AVL9: variants seen among roughly 807,000 people sequenced by gnomAD.
The protein encoded by AVL9 is AVL9 cell migration associated.
A neutral mutation model predicts 79.2 loss-of-function variants in AVL9; 49 were observed. The observed-to-expected ratio is 0.62, with a 90% confidence interval of 0.49 to 0.79. AVL9 has a LOEUF of 0.79. Ranked by LOEUF, AVL9 falls within the 30% of genes least tolerant of loss-of-function variation. The pLI is 0.00. For missense variants in AVL9, 682 were observed against 776.8 expected, an observed-to-expected ratio of 0.88 and a Z score of 1.45; for synonymous variants, 299 against 280.6, an observed-to-expected ratio of 1.07 and a Z score of -0.65.
At chr7:32,542,417 G>A (rs902760421) in intron 1 of AVL9, among the ~76,000 whole-genome samples, 13 of 151,250 alleles carry the variant, frequency 8.6e-5, no homozygotes, top group East Asian at 5.8e-4. Flanking sequence ...TTAGCCGAGC[G>A]TGGTGGCACA....
chr7:32,511,505 T>C (rs1787672115), intron 1 of AVL9, among the ~76,000 whole-genome samples: 1 of 151,956 alleles, frequency 6.6e-6, no homozygotes, highest in Non-Finnish European at 1.5e-5. Context: ...AGGGGTGTAC[T>C]AGGTTGTGGG....
chr7:32,543,286 T>C, intron 2 of AVL9, 25 bp downstream of exon 2: 1 of 1,602,690 alleles, frequency 6.2e-7, no homozygotes, highest in Non-Finnish European at 8.5e-7. Context: ...AGTGAAGCAG[T>C]TAGGTGCCAT....
intron 1 of AVL9, among the ~76,000 whole-genome samples, chr7:32,539,672 C>G (rs1483727192): frequency 6.6e-6 from 1 of 152,160 alleles, no homozygotes; most frequent in Non-Finnish European, 1.5e-5. Flanking sequence ...AAAATTACCA[C>G]AAATGTAGTG....
At chr7:32,519,943 G>A (rs889098245) in intron 1 of AVL9, among the ~76,000 whole-genome samples, 1 of 152,100 alleles carries the variant, frequency 6.6e-6, no homozygotes, top group Non-Finnish European at 1.5e-5. Flanking sequence ...AGAGTGCAAA[G>A]GGGAAAGTGC....
At chr7:32,518,950 T>C (rs1165329777) in intron 1 of AVL9, among the ~76,000 whole-genome samples, 1 of 152,230 alleles carries the variant, frequency 6.6e-6, no homozygotes, top group Non-Finnish European at 1.5e-5. Flanking sequence ...AATCTGTTTC[T>C]TTTTGAAACT....
Position 32,576,961 on chromosome 7 carries a change from A to G in AVL9, c.1688+889A>G, listed in dbSNP as rs934960002. Among the ~76,000 whole-genome samples the G allele has an allele frequency of 4.6e-5, 7 of 152,348 alleles. No homozygotes were observed. In the East Asian group the frequency reaches 9.7e-4, roughly 21 times the overall value. ...CATTGATTACAGCCATTATGAAACA[A>G]TAACATCTGAGTGTGAATACAACAG... On this transcript the variant is annotated intron_variant, in intron 13 of 15. Coordinates refer to ENST00000318709, the MANE Select transcript of AVL9 (RefSeq NM_015060.3).
At chr7:32,542,609 A>C (rs1789266905) in intron 1 of AVL9, among the ~76,000 whole-genome samples, 1 of 152,200 alleles carries the variant, frequency 6.6e-6, no homozygotes, top group Admixed American at 6.5e-5. Flanking sequence ...TCAGTGGACA[A>C]AAATTTTAAA....
chr7:32,572,348 A>G, intron 11 of AVL9, among the ~76,000 whole-genome samples: 1 of 151,092 alleles, frequency 6.6e-6, no homozygotes, highest in East Asian at 1.9e-4. Flanking sequence ...ACAGGAGGAT[A>G]CAGATGGGAG....
At chr7:32,499,231 C>T (rs1214661729) in intron 1 of AVL9, among the ~76,000 whole-genome samples, 1 of 151,990 alleles carries the variant, frequency 6.6e-6, no homozygotes, top group African/African-American at 2.4e-5. Context: ...GATACCTTCT[C>T]TGTAGTAAAT....
intron 1 of AVL9, among the ~76,000 whole-genome samples, chr7:32,542,242 G>A (rs1789244863): frequency 6.7e-6 from 1 of 148,830 alleles, no homozygotes; most frequent in African/African-American, 2.5e-5. Context: ...ATCACCTTTA[G>A]AAATAATCAC....
intron 1 of AVL9, among the ~76,000 whole-genome samples, chr7:32,521,918 A>G (rs951429413): frequency 4.6e-5 from 7 of 152,208 alleles, no homozygotes; most frequent in Admixed American, 3.3e-4. Flanking sequence ...GCCAATGTAC[A>G]GCTCAGGTTG....
At chr7:32,579,370 A>G (rs544850501) in intron 13 of AVL9, among the ~76,000 whole-genome samples, 6 of 38,330 alleles carry the variant, frequency 1.6e-4, no homozygotes, top group African/African-American at 7.6e-4. Flanking sequence ...AACATATATA[A>G]TATATGTTAT....
chr7:32,564,224 C>T (rs544411476), intron 10 of AVL9, among the ~76,000 whole-genome samples: 4 of 152,132 alleles, frequency 2.6e-5, no homozygotes, highest in Non-Finnish European at 2.9e-5. Context: ...GTATTAAATA[C>T]GTGATGGGCT....
intron 10 of AVL9, among the ~76,000 whole-genome samples, chr7:32,565,932 C>T (rs1428660586): frequency 2.7e-5 from 4 of 149,294 alleles, no homozygotes; most frequent in Admixed American, 6.7e-5. Flanking sequence ...CACTTGAACC[C>T]GGGAGGCGGA....
intron 1 of AVL9, among the ~76,000 whole-genome samples, chr7:32,516,406 C>T (rs1448291442): frequency 6.6e-6 from 1 of 152,120 alleles, no homozygotes; most frequent in Non-Finnish European, 1.5e-5. Flanking sequence ...CTTCTCTGGG[C>T]ATTTGCGTGA....
intron 1 of AVL9, among the ~76,000 whole-genome samples, chr7:32,511,784 G>C (rs1208076362): frequency 6.6e-6 from 1 of 152,074 alleles, no homozygotes; most frequent in Non-Finnish European, 1.5e-5. Context: ...TGAGGAGTAA[G>C]GGGAGGAAGA....
At chr7:32,546,496 T>C (rs1410798561) in intron 3 of AVL9, among the ~76,000 whole-genome samples, 2 of 152,172 alleles carry the variant, frequency 1.3e-5, no homozygotes, top group African/African-American at 4.8e-5. Flanking sequence ...ATACAATTTT[T>C]GTCAATTATA....
chr7:32,537,723 C>T (rs1400790804), intron 1 of AVL9: 2 of 152,162 alleles, frequency 1.3e-5, no homozygotes, highest in African/African-American at 4.8e-5. Context: ...CTCGGTCCCC[C>T]AAAGTGCTGG....
In AVL9 at chr7:32,559,223, A is replaced by AT; in HGVS notation, c.976dup (p.Ser326PhefsTer5). On this transcript the variant is annotated frameshift_variant, in exon 10 of 16. Transcript: ENST00000318709. LOFTEE classifies it high-confidence loss of function. ...AAACCTCCATCTCGCCCATCTCCAG[A>AT]TTCTTCAGAAAGTGACTGGGAAACT... 6.2e-7 allele frequency: 1 copy of AT among 1,614,212 alleles called. No homozygotes were observed. The highest frequency in any genetic ancestry group is 8.5e-7 in the Non-Finnish European group (1 of 1,180,036).
Sources: allele counts gnomAD v4.1 joint callset (sites outside exome capture counted in the v4.1 genomes callset), GRCh38; gene constraint gnomAD v4.1.1; transcripts MANE v1.5; gene names NCBI Gene and HGNC (gene_info 2026-07-23, HGNC 2026-07-21).